Variants in LRRC75A observed in about 807,000 individuals in gnomAD.
LRRC75A encodes the protein leucine rich repeat containing 75A.
A neutral mutation model predicts 26.0 loss-of-function variants in LRRC75A; 12 were observed. The ratio of observed to expected loss-of-function variants is 0.46; its 90% CI spans 0.30 to 0.75. The LOEUF (loss-of-function observed/expected upper bound fraction) is 0.75. Ranked by LOEUF, LRRC75A falls within the 30% of genes least tolerant of loss-of-function variation. The pLI is 0.08. For missense variants in LRRC75A, 410 were observed against 486.6 expected, an observed-to-expected ratio of 0.84 and a Z score of 1.48; for synonymous variants, 223 against 219.3, an observed-to-expected ratio of 1.02 and a Z score of -0.15.
At chr17:16,464,579 C>T (rs974238634) in intron 1 of LRRC75A, among the ~76,000 whole-genome samples, 1 of 152,230 alleles carries the variant, frequency 6.6e-6, no homozygotes, top group African/African-American at 2.4e-5. Context: ...TTTCTGCCCC[C>T]TCCTCCCTGG....
intron 2 of LRRC75A, among the ~76,000 whole-genome samples, chr17:16,449,190 A>G (rs73287097): frequency 0.035 from 5,377 of 152,250 alleles, 308 homozygotes; most frequent in African/African-American, 0.12. Context: ...TTAACCACGC[A>G]CAGTGCTCAG....
intron 2 of LRRC75A, among the ~76,000 whole-genome samples, chr17:16,458,523 T>A (rs2093702761): frequency 6.6e-6 from 1 of 150,834 alleles, no homozygotes; most frequent in African/African-American, 2.4e-5. Context: ...TGGAGTGCAA[T>A]GGCGCGATCT....
In LRRC75A at chr17:16,462,818, C is replaced by T; in HGVS notation, c.247-432G>A. The T allele has an allele frequency of 5.5e-6, 1 of 181,028 alleles. No homozygotes were observed. The highest frequency in any genetic ancestry group is 1.2e-5 in the Non-Finnish European group (1 of 85,602). 11.2% of individuals were successfully genotyped at this position (181,028 alleles called of 1,614,324 possible). A position where few individuals can be genotyped will look rare whatever the true frequency, so the allele number is the denominator to read the frequency against. ...CTTCCTGCTTCTGACGTTGTTTTTA[C>T]TGCTCCTTCTGTAGCCGATGCAGCC... On this transcript the variant is annotated intron_variant, in intron 1 of 3. Coordinates refer to ENST00000470794, the MANE Select transcript of LRRC75A (RefSeq NM_001113567.3). This position sits in a 1 kb window ranked among gnomAD's most constrained non-coding sequence, Gnocchi z 4.6.
rs1476981818 is a variant in LRRC75A, at chr17:16,483,821, C to T, written c.246+7924G>A. Reference sequence around the variant, plus strand: ...CCTCCCGGAGGAAGGGAAACAGCTGCTGCCATGGTTTTCTCCTGGTGGGTT... The same window carrying T: ...CCTCCCGGAGGAAGGGAAACAGCTGTTGCCATGGTTTTCTCCTGGTGGGTT... On this transcript the variant is annotated intron_variant, in intron 1 of 3. Coordinates refer to ENST00000470794, the MANE Select transcript of LRRC75A (RefSeq NM_001113567.3). Among the ~76,000 whole-genome samples the T allele has an allele frequency of 3.3e-5, 5 of 152,210 alleles. No homozygotes were observed. The East Asian group carries it at 9.6e-4, about 29-fold the overall frequency.
At chr17:16,487,486 T>C (rs2093849449) in intron 1 of LRRC75A, among the ~76,000 whole-genome samples, 1 of 152,226 alleles carries the variant, frequency 6.6e-6, no homozygotes, top group Non-Finnish European at 1.5e-5. Context: ...TGGCCCAGGC[T>C]GGAGTGCAGA....
intron 2 of LRRC75A, among the ~76,000 whole-genome samples, chr17:16,460,521 G>T (rs1215633215): frequency 6.6e-6 from 1 of 152,058 alleles, no homozygotes; most frequent in African/African-American, 2.4e-5. Context: ...TGAGGGGCAG[G>T]TTGGGGAGGG....
intron 2 of LRRC75A, among the ~76,000 whole-genome samples, chr17:16,459,782 G>T (rs2093713764): frequency 1.3e-5 from 2 of 152,142 alleles, no homozygotes; most frequent in Non-Finnish European, 2.9e-5. Context: ...GGATGGAGGG[G>T]CTGCTCCTAC....
intron 1 of LRRC75A, chr17:16,464,039 G>A (rs577541363): frequency 1.2e-3 from 183 of 152,386 alleles, no homozygotes; most frequent in Admixed American, 2.1e-3. Context: ...CTCTTGTGGG[G>A]AGCCCCTTGG....
chr17:16,462,431 C>T lies in LRRC75A; in HGVS notation c.247-45G>A, dbSNP rs1283392074. ...CCAGAGGTCAGGGCTGGCTGCCCAC[C>T]CAGCTCGCCCACCATCCCCAAGAGA... On this transcript the variant is annotated intron_variant, in intron 1 of 3. Coordinates refer to ENST00000470794, the MANE Select transcript of LRRC75A (RefSeq NM_001113567.3). The surrounding 1 kb of genome is among the most constrained non-coding windows in gnomAD (Gnocchi z 4.6). 6.2e-7 allele frequency: 1 copy of T among 1,609,580 alleles called. No homozygotes were observed. Among genetic ancestry groups the T allele is most frequent in the African/African-American group, 1.3e-5 (1 of 75,034 alleles).
intron 1 of LRRC75A, among the ~76,000 whole-genome samples, chr17:16,488,353 AC>A (rs35635256): frequency 1.3e-5 from 2 of 152,146 alleles, no homozygotes; most frequent in Non-Finnish European, 2.9e-5. Flanking sequence ...TCCAGACTGA[AC>A]CCTGGCCAGG....
At chr17:16,467,751 C>T (rs1162607960) in intron 1 of LRRC75A, among the ~76,000 whole-genome samples, 1 of 152,208 alleles carries the variant, frequency 6.6e-6, no homozygotes, top group African/African-American at 2.4e-5. Flanking sequence ...CACAAAACCC[C>T]ACTGTGCCTA....
chr17:16,485,299 G>A (rs1407426191), intron 1 of LRRC75A, among the ~76,000 whole-genome samples: 1 of 152,164 alleles, frequency 6.6e-6, no homozygotes, highest in Non-Finnish European at 1.5e-5. Context: ...AACCCCCAAG[G>A]TGATGGTATC....
chr17:16,469,054 C>T (rs1375560744), intron 1 of LRRC75A, among the ~76,000 whole-genome samples: 1 of 152,206 alleles, frequency 6.6e-6, no homozygotes, highest in African/African-American at 2.4e-5. Flanking sequence ...TATTGGTCTG[C>T]AAACACAGAC....
rs956712145 is a variant in LRRC75A, at chr17:16,442,799, A to G, written c.*789T>C. On this transcript the variant is annotated 3_prime_UTR_variant, in exon 4 of 4. Transcript: ENST00000470794. ...AAGCCAGGTTTGTCACTTACCCTGC[A>G]TGCTAAGGACATCAGAGCCCACATA... 1 of 152,244 alleles carries G rather than the reference A, an allele frequency of 6.6e-6. No individual in the cohort carries two copies. The highest frequency in any genetic ancestry group is 6.5e-5 in the Admixed American group (1 of 15,284). The allele number at this position is 152,244 out of a possible 1,614,324, so 9.4% of individuals were successfully genotyped here. A position where few individuals can be genotyped will look rare whatever the true frequency, so the allele number is the denominator to read the frequency against.
chr17:16,484,913 G>A (rs541124917), intron 1 of LRRC75A, among the ~76,000 whole-genome samples: 34 of 151,654 alleles, frequency 2.2e-4, no homozygotes, highest in African/African-American at 3.4e-4. Flanking sequence ...AGCAGCCGTC[G>A]GCAGAGCTCC....
intron 2 of LRRC75A, among the ~76,000 whole-genome samples, chr17:16,450,772 G>C (rs2093624824): frequency 6.6e-6 from 1 of 152,214 alleles, no homozygotes; most frequent in African/African-American, 2.4e-5. Context: ...GGAGAGAGGG[G>C]TGGACAGGAG....
chr17:16,478,959 G>GCACT (rs1312210164), intron 1 of LRRC75A, among the ~76,000 whole-genome samples: 1 of 152,240 alleles, frequency 6.6e-6, no homozygotes. Flanking sequence ...CGGGGTGGGA[G>GCACT]CACTCAGACC....
intron 3 of LRRC75A, among the ~76,000 whole-genome samples, chr17:16,444,852 A>T (rs1223977952): frequency 1.5e-5 from 2 of 132,528 alleles, no homozygotes; most frequent in African/African-American, 2.8e-5. Context: ...CATTTTCCAC[A>T]TTTTTTTTTT....
chr17:16,470,964 C>A (rs565361188), intron 1 of LRRC75A, among the ~76,000 whole-genome samples: 57 of 152,256 alleles, frequency 3.7e-4, no homozygotes, highest in African/African-American at 1.3e-3. Flanking sequence ...CAGACCTATG[C>A]ACCTAATGAG....
Sources: gnomAD v4.1 joint callset for allele counts (sites outside exome capture counted in the v4.1 genomes callset) on GRCh38, gnomAD v4.1.1 for gene constraint, Gnocchi (gnomAD v3.1) non-coding constraint, MANE v1.5 for transcripts, NCBI Gene and HGNC (gene_info 2026-07-23, HGNC 2026-07-21) for gene names.